LNPEP: variants seen among roughly 807,000 people sequenced by gnomAD.
LNPEP encodes the protein leucyl-cystinyl aminopeptidase.
Under a neutral mutation model 120.6 loss-of-function variants are expected in LNPEP, and 64 were observed. The observed-to-expected ratio is 0.53, with a 90% CI of 0.43 to 0.65. The LOEUF (loss-of-function observed/expected upper bound fraction) is 0.65. Ranked by LOEUF, LNPEP falls within the 30% of genes least tolerant of loss-of-function variation. The pLI is 0.00. For synonymous variants in LNPEP, 435 were observed against 425.4 expected, an observed-to-expected ratio of 1.02 and a Z score of -0.28; for missense variants, 1,057 against 1,200.0, an observed-to-expected ratio of 0.88 and a Z score of 1.76.
chr5:96,936,245 G>A, intron 1 of LNPEP, 71 bp downstream of exon 1: 1 of 1,260,636 alleles, frequency 7.9e-7, no homozygotes, highest in East Asian at 3.1e-5. Context: ...GTCGTGACAC[G>A]CGGGGTCGGG....
chr5:97,032,507 T>C lies in LNPEP; in HGVS notation c.*3974T>C, dbSNP rs1025979079. ...TGTACATACATGTTTTTGATAGTTT[T>C]TATATTATTTCATTTTGTATATTTT... is the stretch of plus-strand genomic sequence containing the variant. On this transcript the variant is annotated 3_prime_UTR_variant, in exon 18 of 18. Coordinates refer to ENST00000231368, the MANE Select transcript of LNPEP (RefSeq NM_005575.3). 1.3e-5 allele frequency: 2 copies of C among 152,224 alleles called. No individual in the cohort carries two copies. Among genetic ancestry groups the C allele is most frequent in the Non-Finnish European group, 2.9e-5 (2 of 68,044 alleles). 9.4% of individuals were successfully genotyped at this position (152,224 alleles called of 1,614,324 possible).
chr5:96,945,106 A>G (rs987358261), intron 1 of LNPEP, among the ~76,000 whole-genome samples: 5 of 152,064 alleles, frequency 3.3e-5, no homozygotes, highest in African/African-American at 1.2e-4. Context: ...CTGGATCAAA[A>G]AAAGACCTGG....
At chr5:96,999,165 C>A (rs1354471666) in intron 8 of LNPEP, among the ~76,000 whole-genome samples, 1 of 152,052 alleles carries the variant, frequency 6.6e-6, no homozygotes, top group African/African-American at 2.4e-5. Context: ...AGAGGAATGA[C>A]TTGATTAAAG....
At chr5:97,011,422 G>A (rs1162723149) in intron 11 of LNPEP, among the ~76,000 whole-genome samples, 1 of 152,114 alleles carries the variant, frequency 6.6e-6, no homozygotes, top group Non-Finnish European at 1.5e-5. Context: ...TAAAGATGAT[G>A]TCTCACTATG....
intron 1 of LNPEP, chr5:96,958,607 C>A: frequency 3.7e-6 from 2 of 539,294 alleles, no homozygotes; most frequent in Non-Finnish European, 4.7e-6. Context: ...ATTGGCAGGT[C>A]AGAAGCCTGA....
intron 11 of LNPEP, among the ~76,000 whole-genome samples, chr5:97,008,686 A>G (rs1314140968): frequency 1.5e-4 from 7 of 47,842 alleles, no homozygotes; most frequent in African/African-American, 3.1e-4. Context: ...TTTTTTTGAG[A>G]CAGAGTCTCG....
chr5:96,985,327 C>A, intron 3 of LNPEP, 109 bp downstream of exon 3: 1 of 846,422 alleles, frequency 1.2e-6, no homozygotes, highest in Non-Finnish European at 1.7e-6. Flanking sequence ...AAATCATATA[C>A]ATTAATATTC....
intron 7 of LNPEP, among the ~76,000 whole-genome samples, chr5:96,997,366 C>A (rs983901368): frequency 6.6e-6 from 1 of 151,972 alleles, no homozygotes; most frequent in Non-Finnish European, 1.5e-5. Flanking sequence ...TAATTAATAT[C>A]AAGTGGTAGC....
chr5:96,985,617 C>A (rs1052349046), intron 3 of LNPEP, among the ~76,000 whole-genome samples: 1 of 152,048 alleles, frequency 6.6e-6, no homozygotes, highest in African/African-American at 2.4e-5. Context: ...AATGAAAAAC[C>A]AATATTGTTA....
rs543713716 is a variant in LNPEP at position 96,936,128 on chromosome 5, G to A, written c.-28G>A. 3.3e-6 allele frequency: 5 copies of A among 1,515,188 alleles called. No homozygotes were observed. Among genetic ancestry groups the A allele is most frequent in the Non-Finnish European group, 8.8e-7 (1 of 1,132,274 alleles). 93.9% of individuals were successfully genotyped at this position (1,515,188 alleles called of 1,614,324 possible). On this transcript the variant is annotated 5_prime_UTR_variant, in exon 1 of 18. Transcript: ENST00000231368. ...TCGGAGTAGGAAGCTCGGGCGCTCC[G>A]GCTGTAAGGAGCCGCGGCGGGGGGA...
intron 1 of LNPEP, among the ~76,000 whole-genome samples, chr5:96,947,640 T>A (rs1428080027): frequency 6.6e-6 from 1 of 152,254 alleles, no homozygotes; most frequent in African/African-American, 2.4e-5. Flanking sequence ...TGTGTTTCAC[T>A]CTCTGTGGCA....
intron 2 of LNPEP, among the ~76,000 whole-genome samples, chr5:96,983,914 G>C (rs1790183275): frequency 6.6e-6 from 1 of 152,138 alleles, no homozygotes; most frequent in South Asian, 2.1e-4. Context: ...TTGAGGTTTG[G>C]TATCGTGAAG....
intron 2 of LNPEP, among the ~76,000 whole-genome samples, chr5:96,982,365 A>T (rs982585256): frequency 6.6e-6 from 1 of 152,214 alleles, no homozygotes; most frequent in African/African-American, 2.4e-5. Flanking sequence ...TTCAGAAAGG[A>T]AATATACTCT....
chr5:97,002,091 G>T (rs1790667057), intron 8 of LNPEP, among the ~76,000 whole-genome samples: 1 of 152,014 alleles, frequency 6.6e-6, no homozygotes, highest in Non-Finnish European at 1.5e-5. Context: ...GTGAGTGGAG[G>T]TCGCACCACT....
At chr5:97,022,670 G>A (rs1690109922) in intron 14 of LNPEP, among the ~76,000 whole-genome samples, 186 bp downstream of exon 14, 1 of 150,382 alleles carries the variant, frequency 6.6e-6, no homozygotes, top group Non-Finnish European at 1.5e-5. Context: ...AAGTTTTAGG[G>A]TACATGTGCA....
chr5:97,027,500 G>A lies in LNPEP; in HGVS notation c.2865-233G>A, dbSNP rs183946873. Among the ~76,000 whole-genome samples, 9 of 151,950 alleles carry A rather than the reference G, an allele frequency of 5.9e-5. No homozygotes were observed. In the East Asian group the frequency reaches 1.5e-3, roughly 26 times the overall value. The stretch of plus-strand genomic sequence containing the variant: ...TTTCTGGGTGTACAGTGTGATCTTC[G>A]ACAATGTTAAGCGGATTAATTGTCT... On this transcript the variant is annotated intron_variant, in intron 16 of 17. Transcript: ENST00000231368.
chr5:96,979,001 C>T (rs1790061952), intron 1 of LNPEP, 137 bp from the exon 2 acceptor site: 2 of 881,642 alleles, frequency 2.3e-6, no homozygotes, highest in Non-Finnish European at 3.4e-6. Context: ...AATTCAGTAG[C>T]TCTGAGATGG....
chr5:97,021,923 GTTTTTTTTTTTTTTTT>G (rs1165456605), intron 13 of LNPEP, among the ~76,000 whole-genome samples: 2 of 57,170 alleles, frequency 3.5e-5, no homozygotes, highest in East Asian at 7.2e-4. Context: ...TTTGTCTTTT[GTTTTTTTTTTTTTTTT>G]TTTTTTTTTT....
chr5:96,993,097 A>C lies in LNPEP; in HGVS notation c.1214A>C (p.Gln405Pro), dbSNP rs74803412. 6.2e-7 allele frequency: 1 copy of C among 1,600,758 alleles called. No homozygotes were observed. Among genetic ancestry groups the C allele is most frequent in the Admixed American group, 1.7e-5 (1 of 58,522 alleles). Residue 405 changes from glutamine to proline, a missense_variant, in exon 5 of 18, where the codon CAA becomes CCA. Transcript: ENST00000231368. ...ACTGTGAAGCTTCTTGAGTTTTTTCAAAACTACTTTGAAATTCAGTACCCA... is the reference window on the plus strand; with the variant it reads ...ACTGTGAAGCTTCTTGAGTTTTTTCCAAACTACTTTGAAATTCAGTACCCA... ...ETTVKLLEFF[Q>P]NYFEIQYPLK...
Sources: gnomAD v4.1 joint callset for allele counts (sites outside exome capture counted in the v4.1 genomes callset) on GRCh38, gnomAD v4.1.1 for gene constraint, MANE v1.5 for transcripts, NCBI Gene and HGNC (gene_info 2026-07-23, HGNC 2026-07-21) for gene names.